ZC3H14: variants seen among roughly 807,000 people sequenced by gnomAD.
ZC3H14 encodes zinc finger CCCH-type containing 14, also known as zinc finger CCCH domain-containing protein 14.
Under a neutral mutation model 92.4 loss-of-function variants are expected in ZC3H14, and 31 were observed. The ratio of observed to expected loss-of-function variants is 0.34; its 90% confidence interval spans 0.25 to 0.45. The LOEUF is 0.45. ZC3H14 is among the 20% of genes least tolerant of loss of function. ZC3H14 has a pLI of 1.00. For missense variants in ZC3H14, 781 were observed against 897.3 expected (o/e 0.87, Z 1.66); for synonymous variants, 321 against 300.9 (o/e 1.07, Z -0.69).
chr14:88,583,321 T>C (rs2082132264), intron 9 of ZC3H14, among the ~76,000 whole-genome samples: 1 of 152,160 alleles, frequency 6.6e-6, no homozygotes, highest in South Asian at 2.1e-4. Flanking sequence ...TCTCACTATG[T>C]TGCCCAGGCT....
rs767514294 is a variant in ZC3H14 at position 88,572,588 on chromosome 14, G to A, written c.442G>A (p.Asp148Asn). 1.9e-6 allele frequency: 3 copies of A among 1,614,116 alleles called. No homozygotes were observed. The highest frequency in any genetic ancestry group is 2.2e-5 in the East Asian group (1 of 44,880). ...TGTTCTTTTAAATAGACAGACTTACGATGATGGAGCTGCAACCCGACTAAT... is the reference window on the plus strand; with the variant it reads ...TGTTCTTTTAAATAGACAGACTTACAATGATGGAGCTGCAACCCGACTAAT... ...SKTTNVRQTYDDGAATRLMST... is the reference protein window; with the variant it reads ...SKTTNVRQTYNDGAATRLMST... The change falls in exon 6 of 17, where the codon GAT becomes AAT. Residue 148 changes from aspartate to asparagine, a missense_variant. Around this residue, in one of 3 missense-constraint regions of ZC3H14, gnomAD observed 454 missense variants for 438.5 expected, o/e 1.04. Transcript: ENST00000251038.
rs1481208189 is a variant in ZC3H14, at chr14:88,623,212, C to CACCAT, written c.*11462_*11466dup. The CACCAT allele has an allele frequency of 6.6e-6, 1 of 152,026 alleles. No individual in the cohort carries two copies. The highest frequency in any genetic ancestry group is 2.1e-4 in the South Asian group (1 of 4,802). 9.4% of individuals were successfully genotyped at this position (152,026 alleles called of 1,614,324 possible). A position where few individuals can be genotyped will look rare whatever the true frequency, so the allele number is the denominator to read the frequency against. On this transcript the variant is annotated 3_prime_UTR_variant, in exon 17 of 17. Transcript: ENST00000251038. The stretch of plus-strand genomic sequence containing the variant: ...TGTATTTTTAGTAGAGATGGGGTTT[C>CACCAT]ACCATGTTGGCCAGGCTGGTCTCAA...
rs1388081421 is a variant in ZC3H14, at chr14:88,618,295, C to T, written c.*6544C>T. 6.2e-7 allele frequency: 1 copy of T among 1,613,788 alleles called. No homozygotes were observed. Among genetic ancestry groups the T allele is most frequent in the South Asian group, 1.1e-5 (1 of 91,080 alleles). On this transcript the variant is annotated 3_prime_UTR_variant, in exon 17 of 17. Coordinates refer to ENST00000251038, the MANE Select transcript of ZC3H14 (RefSeq NM_024824.5). ...TCCATAAGATGTTTTCCTGAAGGCACTTCATAGACATGCCGTTTATAGCAG... is the reference window on the plus strand; with the variant it reads ...TCCATAAGATGTTTTCCTGAAGGCATTTCATAGACATGCCGTTTATAGCAG...
chr14:88,625,007 G>T lies in ZC3H14; in HGVS notation c.*13256G>T, dbSNP rs2089704956. The T allele has an allele frequency of 2.5e-6, 4 of 1,613,458 alleles. No individual in the cohort carries two copies. The highest frequency in any genetic ancestry group is 1.1e-5 in the South Asian group (1 of 91,058). The stretch of plus-strand genomic sequence containing the variant: ...CCCCCAGTCACGATAAGTCCATCTC[G>T]CAGGGTGGTGTACATGGCAAACACA... On this transcript the variant is annotated 3_prime_UTR_variant, in exon 17 of 17. Transcript: ENST00000251038.
At chr14:88,600,216 C>T (rs982339910) in intron 10 of ZC3H14, among the ~76,000 whole-genome samples, 1 of 152,230 alleles carries the variant, frequency 6.6e-6, no homozygotes, top group Admixed American at 6.5e-5. Context: ...ACTGCCCTTG[C>T]TGGGGAAGGC....
intron 2 of ZC3H14, among the ~76,000 whole-genome samples, chr14:88,563,963 C>G (rs1350564911): frequency 6.6e-6 from 1 of 151,104 alleles, no homozygotes; most frequent in Non-Finnish European, 1.5e-5. Flanking sequence ...TTTTCCTATT[C>G]TCTCTCTCTC....
At chr14:88,564,313 C>T (rs2139426297) in intron 2 of ZC3H14, among the ~76,000 whole-genome samples, 1 of 152,232 alleles carries the variant, frequency 6.6e-6, no homozygotes, top group African/African-American at 2.4e-5. Context: ...TGAGTGTTTA[C>T]TCTGGGTCAG....
Position 88,618,171 on chromosome 14 carries a change from G to T in ZC3H14, c.*6420G>T. 6.9e-7 allele frequency: 1 copy of T among 1,453,054 alleles called. No homozygotes were observed. 90.0% of individuals were successfully genotyped at this position (1,453,054 alleles called of 1,614,324 possible). Reference sequence around the variant, plus strand: ...AATGGCTCTAACAGTTCAGAAATAGGATTTTCTAACTGGCCTTCAAAGTCA... The same window carrying T: ...AATGGCTCTAACAGTTCAGAAATAGTATTTTCTAACTGGCCTTCAAAGTCA... On this transcript the variant is annotated 3_prime_UTR_variant, in exon 17 of 17. Transcript: ENST00000251038.
In ZC3H14 at chr14:88,572,017, T is replaced by C. The variant is rs766871700; in HGVS notation, c.236-13T>C. ...ATAAAAATAGATTAAAAGGACTGTA[T>C]TTTTCTTTTCAGAACCCTCTAGTCT... On this transcript the variant is annotated splice_polypyrimidine_tract_variant and intron_variant, in intron 4 of 16. Transcript: ENST00000251038. 8.1e-5 allele frequency: 130 copies of C among 1,603,684 alleles called. No individual in the cohort carries two copies. The East Asian group carries it at 2.9e-3, about 36-fold the overall frequency.
chr14:88,567,430 T>C (rs2079841769), intron 2 of ZC3H14, among the ~76,000 whole-genome samples: 1 of 151,668 alleles, frequency 6.6e-6, no homozygotes, highest in South Asian at 2.1e-4. Flanking sequence ...TCTTTTTTTT[T>C]TTTTTTTATC....
intron 10 of ZC3H14, among the ~76,000 whole-genome samples, chr14:88,598,720 A>G (rs1025393537): frequency 1.3e-5 from 2 of 152,256 alleles, no homozygotes; most frequent in Non-Finnish European, 2.9e-5. Context: ...GATTATCTAC[A>G]GGAAAGCACA....
chr14:88,563,177 C>A lies in ZC3H14; in HGVS notation c.36+8C>A, dbSNP rs1178492450. On this transcript the variant is annotated splice_region_variant and intron_variant, in intron 1 of 16. Coordinates refer to ENST00000251038, the MANE Select transcript of ZC3H14 (RefSeq NM_024824.5). ...ATCAGCCGCAAGATCCGGGTGAGGC[C>A]CGTGCCGGTCGGGGGTGGGAAGCCA... The A allele has an allele frequency of 6.2e-7, 1 of 1,603,598 alleles. No homozygotes were observed. The highest frequency in any genetic ancestry group is 8.5e-7 in the Non-Finnish European group (1 of 1,176,802).
At position 88,563,071 on chromosome 14, in the gene ZC3H14, C is replaced by T. The variant is rs1407113371; in HGVS notation, c.-63C>T. ...GGTGTCCCGGCTGCGGGGTAGGAGT[C>T]CGCGGCAGCCTCCGGGTAAGCCAAG... is the stretch of plus-strand genomic sequence containing the variant. On this transcript the variant is annotated 5_prime_UTR_variant, in exon 1 of 17. Coordinates refer to ENST00000251038, the MANE Select transcript of ZC3H14 (RefSeq NM_024824.5). 4.5e-6 allele frequency: 7 copies of T among 1,542,084 alleles called. No homozygotes were observed. Among genetic ancestry groups the T allele is most frequent in the African/African-American group, 1.4e-5 (1 of 72,848 alleles).
chr14:88,570,235 T>C (rs943911329), intron 3 of ZC3H14, among the ~76,000 whole-genome samples: 1 of 152,166 alleles, frequency 6.6e-6, no homozygotes. Context: ...CCAAACAGAC[T>C]ATTGTGATTA....
chr14:88,615,722 G>T lies in ZC3H14; in HGVS notation c.*3971G>T. ...GGGCATTTCTCCCTGTTACAGTCTT[G>T]GGTTAGCACCACTTGACCATGCAGG... On this transcript the variant is annotated 3_prime_UTR_variant, in exon 17 of 17. Coordinates refer to ENST00000251038, the MANE Select transcript of ZC3H14 (RefSeq NM_024824.5). 2 of 1,132,090 alleles carry T rather than the reference G, an allele frequency of 1.8e-6. No homozygotes were observed. The highest frequency in any genetic ancestry group is 2.6e-6 in the Non-Finnish European group (2 of 784,248). The allele number at this position is 1,132,090 out of a possible 1,614,324, so 70.1% of individuals were successfully genotyped here.
At chr14:88,580,072 G>A (rs1404940781) in intron 9 of ZC3H14, among the ~76,000 whole-genome samples, 1 of 152,168 alleles carries the variant, frequency 6.6e-6, no homozygotes, top group Non-Finnish European at 1.5e-5. Context: ...GTATACACCT[G>A]TAGTCCTGTC....
At position 88,596,782 on chromosome 14, in the gene ZC3H14, T is replaced by C; in HGVS notation, c.1328T>C (p.Met443Thr). 6.2e-7 allele frequency: 1 copy of C among 1,614,092 alleles called. No homozygotes were observed. Among genetic ancestry groups the C allele is most frequent in the Non-Finnish European group, 8.5e-7 (1 of 1,179,976 alleles). The change falls in exon 10 of 17, where the codon ATG becomes ACG. Residue 443 changes from methionine to threonine, a missense_variant. Met to Thr is a moderately conservative substitution (Grantham distance 81). Around this residue, in one of 3 missense-constraint regions of ZC3H14, gnomAD observed 454 missense variants for 438.5 expected, o/e 1.04. Coordinates refer to ENST00000251038, the MANE Select transcript of ZC3H14 (RefSeq NM_024824.5). ...LLSRLQIDPV[M>T]AETLQMSQDY... ...TCCCGACTGCAAATCGACCCAGTAA[T>C]GGCAGAAACTCTGCAGATGAGTCAA... is the stretch of plus-strand genomic sequence containing the variant.
intron 13 of ZC3H14, 103 bp downstream of exon 13, chr14:88,607,466 C>T (rs1566978965): frequency 5.5e-6 from 8 of 1,442,882 alleles, no homozygotes; most frequent in East Asian, 5.0e-5. Context: ...CATCCCATCT[C>T]ACCCAGCAAG....
Position 88,602,875 on chromosome 14 carries a change from C to A in ZC3H14, c.1562C>A (p.Thr521Lys). The A allele has an allele frequency of 1.2e-6, 2 of 1,614,094 alleles. No homozygotes were observed. The highest frequency in any genetic ancestry group is 1.7e-6 in the Non-Finnish European group (2 of 1,180,022). The change falls in exon 12 of 17, where the codon ACG (threonine) becomes AAG (lysine). Residue 521 changes from threonine (T) to lysine (K), a missense_variant. Physicochemically the swap from Thr to Lys is moderately conservative, Grantham distance 78. Around this residue, in one of 3 missense-constraint regions of ZC3H14, gnomAD observed 221 missense variants for 304.7 expected, o/e 0.73. Transcript: ENST00000251038. Reference sequence around the variant, plus strand: ...CCTGCAAGTCCCAAGTTTATAGTGACGCTGGATGGTGTCCCCAGCCCCCCA... The same window carrying A: ...CCTGCAAGTCCCAAGTTTATAGTGAAGCTGGATGGTGTCCCCAGCCCCCCA... ...DKPASPKFIV[T>K]LDGVPSPPGY... is the part of the protein sequence containing the mutation.
Sources: gnomAD v4.1 joint callset for allele counts (sites outside exome capture counted in the v4.1 genomes callset) on GRCh38, gnomAD v4.1.1 for gene constraint, gnomAD v4.1.1 regional missense constraint, MANE v1.5 for transcripts, NCBI Gene and HGNC (gene_info 2026-07-23, HGNC 2026-07-21) for gene names.